Variants in JMJD1C observed in about 807,000 individuals in gnomAD.
JMJD1C encodes jumonji domain containing 1C, also known as jumonji domain-containing protein 1C.
Under a neutral mutation model 245.3 loss-of-function variants are expected in JMJD1C, and 31 were observed. The observed-to-expected ratio is 0.13, with a 90% CI of 0.09 to 0.17. JMJD1C has a LOEUF of 0.17. JMJD1C is among the 10% of genes least tolerant of loss of function. JMJD1C has a pLI of 1.00. For synonymous variants in JMJD1C, 1,057 were observed against 1,017.4 expected, an observed-to-expected ratio of 1.04 and a Z score of -0.74; for missense variants, 2,691 against 3,000.2, an observed-to-expected ratio of 0.90 and a Z score of 2.41.
At chr10:63,255,678 T>TGAGA (rs749456139) in intron 3 of JMJD1C, among the ~76,000 whole-genome samples, 2 of 151,950 alleles carry the variant, frequency 1.3e-5, no homozygotes, top group Non-Finnish European at 2.9e-5. Flanking sequence ...TAAGTTAGAC[T>TGAGA]TCTCAAACAG....
chr10:63,400,477 G>C (rs1428260560), intron 1 of JMJD1C, among the ~76,000 whole-genome samples: 1 of 152,086 alleles, frequency 6.6e-6, no homozygotes, highest in Non-Finnish European at 1.5e-5. Context: ...AGTGTAGTTT[G>C]GTTCATTTTT....
At chr10:63,377,562 C>T (rs771182518) in intron 2 of JMJD1C, among the ~76,000 whole-genome samples, 2 of 151,988 alleles carry the variant, frequency 1.3e-5, no homozygotes, top group African/African-American at 4.8e-5. Context: ...TTGAAAAACC[C>T]TGTCTCTACT....
chr10:63,429,142 G>C (rs1950607097), intron 1 of JMJD1C, among the ~76,000 whole-genome samples: 1 of 152,054 alleles, frequency 6.6e-6, no homozygotes, highest in Admixed American at 6.6e-5. Flanking sequence ...AACCACACCT[G>C]CCTAATTTTA....
intron 3 of JMJD1C, among the ~76,000 whole-genome samples, chr10:63,251,704 T>G (rs975895387): frequency 6.6e-6 from 1 of 152,224 alleles, no homozygotes; most frequent in Admixed American, 6.5e-5. Context: ...GTATGCCACA[T>G]AAATACTTTG....
chr10:63,287,212 G>A (rs1470296441), intron 2 of JMJD1C, among the ~76,000 whole-genome samples: 2 of 152,308 alleles, frequency 1.3e-5, no homozygotes, highest in Non-Finnish European at 2.9e-5. Flanking sequence ...AAAGGATTAG[G>A]AAGTTTTATT....
At chr10:63,516,234 G>GGA (rs1955015698) in intron 1 of JMJD1C, among the ~76,000 whole-genome samples, 1 of 139,174 alleles carries the variant, frequency 7.2e-6, no homozygotes, top group Non-Finnish European at 1.6e-5. Context: ...GACTTTGAGG[G>GGA]AAAAAAAAAA....
chr10:63,225,988 C>A (rs941539024), intron 3 of JMJD1C, among the ~76,000 whole-genome samples: 6 of 151,336 alleles, frequency 4.0e-5, no homozygotes, highest in African/African-American at 1.2e-4. Flanking sequence ...CTCCCCCACC[C>A]CCCCCTTCCC....
At chr10:63,265,837 A>G (rs1383796833) in intron 2 of JMJD1C, among the ~76,000 whole-genome samples, 1 of 152,190 alleles carries the variant, frequency 6.6e-6, no homozygotes, top group Non-Finnish European at 1.5e-5. Flanking sequence ...TTTGGCATAG[A>G]CAGTACAAAT....
intron 3 of JMJD1C, among the ~76,000 whole-genome samples, chr10:63,254,397 C>A (rs1272092470): frequency 6.6e-6 from 1 of 152,058 alleles, no homozygotes; most frequent in Non-Finnish European, 1.5e-5. Flanking sequence ...AAAACTTAGT[C>A]TTTTATTTAG....
chr10:63,476,893 AAG>A (rs1374454678), intron 1 of JMJD1C, among the ~76,000 whole-genome samples: 1 of 152,168 alleles, frequency 6.6e-6, no homozygotes, highest in Non-Finnish European at 1.5e-5. Context: ...CTAGACAAGG[AAG>A]AGGGGAAAAT....
Position 63,421,227 on chromosome 10 carries a change from G to A in JMJD1C, c.169-40745C>T, listed in dbSNP as rs568776896. Among the ~76,000 whole-genome samples the A allele has an allele frequency of 1.4e-3, 217 of 152,220 alleles. 1 individual carries two copies. The highest frequency in any genetic ancestry group is 2.7e-3 in the African/African-American group (112 of 41,528). ...CTCATGCCTGTAATCCCAACTACGC[G>A]GGAGGCTGAGGCAGGAGAATTGCTT... On this transcript the variant is annotated intron_variant, in intron 1 of 25. Transcript: ENST00000399262.
intron 2 of JMJD1C, among the ~76,000 whole-genome samples, chr10:63,339,063 T>TA (rs1359031927): frequency 1.1e-4 from 17 of 152,138 alleles, no homozygotes; most frequent in Admixed American, 1.3e-4. Flanking sequence ...TTGTTTATGG[T>TA]AAAAAAACAA....
intron 25 of JMJD1C, 69 bp from the exon 26 acceptor site, chr10:63,168,203 A>G: frequency 4.8e-6 from 6 of 1,245,514 alleles, no homozygotes; most frequent in Non-Finnish European, 6.9e-6. Flanking sequence ...GACAACTTCC[A>G]GATTTAAAAA....
intron 1 of JMJD1C, among the ~76,000 whole-genome samples, chr10:63,463,649 T>C (rs915997638): frequency 2.6e-5 from 4 of 152,124 alleles, no homozygotes; most frequent in African/African-American, 9.7e-5. Flanking sequence ...AATTTTCAAA[T>C]AAAGACAGAT....
At chr10:63,404,752 A>C (rs962150269) in intron 1 of JMJD1C, among the ~76,000 whole-genome samples, 7 of 152,218 alleles carry the variant, frequency 4.6e-5, no homozygotes, top group African/African-American at 1.7e-4. Flanking sequence ...GTGACAACAT[A>C]GTAATTAGGG....
At chr10:63,292,166 C>CTTTTT (rs1858856102) in intron 2 of JMJD1C, among the ~76,000 whole-genome samples, 1 of 9,660 alleles carries the variant, frequency 1.0e-4, no homozygotes, top group African/African-American at 5.4e-4. Flanking sequence ...TTTTTTTTGC[C>CTTTTT]TAGGCTGGTC....
rs71025169 is a variant in JMJD1C, at chr10:63,387,629, A to ATTTTTTTTTTTTTTTTTTTTTTTTTTTT, written c.169-7148_169-7147insAAAAAAAAAAAAAAAAAAAAAAAAAAAA. 1.8e-4 allele frequency among the ~76,000 whole-genome samples: 7 copies of ATTTTTTTTTTTTTTTTTTTTTTTTTTTT among 37,868 alleles called. 2 individuals are homozygous for ATTTTTTTTTTTTTTTTTTTTTTTTTTTT. The highest frequency in any genetic ancestry group is 1.7e-4 in the Non-Finnish European group (4 of 23,320). 24.8% of individuals were successfully genotyped at this position (37,868 alleles called of 152,430 possible). On this transcript the variant is annotated intron_variant, in intron 1 of 25. Coordinates refer to ENST00000399262, the MANE Select transcript of JMJD1C (RefSeq NM_032776.3). ...AGTCAGAAGAAAAAAGAAAAAAAAAATTTTTTTTTTTTTTTTTTTTTTTTG... is the reference window on the plus strand; with the variant it reads ...AGTCAGAAGAAAAAAGAAAAAAAAAATTTTTTTTTTTTTTTTTTTTTTTTTTTTTTTTTTTTTTTTTTTTTTTTTTTTG...
intron 2 of JMJD1C, among the ~76,000 whole-genome samples, chr10:63,296,013 A>ATATATTTTT (rs71025149): frequency 9.5e-5 from 8 of 84,272 alleles, no homozygotes; most frequent in Admixed American, 1.3e-4. Flanking sequence ...GTATATATAT[A>ATATATTTTT]TTTTTTTTTT....
At chr10:63,471,307 A>G (rs1174999463) in intron 1 of JMJD1C, among the ~76,000 whole-genome samples, 1 of 152,238 alleles carries the variant, frequency 6.6e-6, no homozygotes, top group East Asian at 1.9e-4. Flanking sequence ...GCCAATGTAA[A>G]ATCTAAACTA....
Sources: gnomAD v4.1 joint callset for allele counts (sites outside exome capture counted in the v4.1 genomes callset) on GRCh38, gnomAD v4.1.1 for gene constraint, MANE v1.5 for transcripts, NCBI Gene and HGNC (gene_info 2026-07-23, HGNC 2026-07-21) for gene names.